Variants in MICAL3 observed in about 807,000 individuals in gnomAD.
The protein encoded by MICAL3 is [F-actin]-monooxygenase MICAL3.
Under a neutral mutation model 207.4 loss-of-function variants are expected in MICAL3, and 62 were observed. The ratio of observed to expected loss-of-function variants is 0.30; its 90% confidence interval spans 0.24 to 0.37. MICAL3 has a LOEUF of 0.37. MICAL3 is among the 10% of genes least tolerant of loss of function. The pLI is 1.00. For synonymous variants in MICAL3, 1,077 were observed against 1,069.3 expected (o/e 1.01, Z -0.14); for missense variants, 2,368 against 2,635.6 (o/e 0.90, Z 2.22).
At chr22:17,899,254 G>A (rs942408260) in intron 7 of MICAL3, 194 bp downstream of exon 7, 20 of 664,914 alleles carry the variant, frequency 3.0e-5, no homozygotes, top group African/African-American at 5.3e-5. Context: ...TTCTCCCCCC[G>A]TTTTTATTTA....
chr22:17,857,689 A>G (rs1002717097), intron 19 of MICAL3, among the ~76,000 whole-genome samples: 2 of 152,270 alleles, frequency 1.3e-5, no homozygotes, highest in African/African-American at 4.8e-5. Flanking sequence ...TTTTTCTAGT[A>G]GCTGTCCCAG....
Position 17,818,081 on chromosome 22 carries a change from TCCA to T in MICAL3, c.4577_4579del (p.Val1526del). ...CTCAGTCTTGTCGTCATAGGTGTCCTCCACATCATCAGCAAAGGGAATCTCCTC... is the reference window on the plus strand; with the variant it reads ...CTCAGTCTTGTCGTCATAGGTGTCCTCATCATCAGCAAAGGGAATCTCCTC... On this transcript the variant is annotated inframe_deletion, in exon 26 of 32. Transcript: ENST00000441493. 1 of 1,613,072 alleles carries T rather than the reference TCCA, an allele frequency of 6.2e-7. No homozygotes were observed. The highest frequency in any genetic ancestry group is 8.5e-7 in the Non-Finnish European group (1 of 1,179,734).
intron 1 of MICAL3, among the ~76,000 whole-genome samples, chr22:17,957,090 G>T (rs1384395153): frequency 6.6e-6 from 1 of 152,152 alleles, no homozygotes; most frequent in Admixed American, 6.5e-5. Flanking sequence ...AGAAAGAAAA[G>T]AAAGATGGCT....
At chr22:17,830,903 G>C (rs1304254803) in intron 21 of MICAL3, among the ~76,000 whole-genome samples, 1 of 152,236 alleles carries the variant, frequency 6.6e-6, no homozygotes, top group African/African-American at 2.4e-5. Context: ...CAGGGGACTG[G>C]ATCAGGAACA....
intron 1 of MICAL3, among the ~76,000 whole-genome samples, chr22:17,909,942 T>C (rs889110585): frequency 3.7e-4 from 57 of 152,336 alleles, no homozygotes; most frequent in African/African-American, 1.4e-3. Context: ...GCACACAGCA[T>C]GGCACAATCC....
At chr22:17,929,256 G>A (rs1225112616) in intron 1 of MICAL3, among the ~76,000 whole-genome samples, 1 of 136,714 alleles carries the variant, frequency 7.3e-6, no homozygotes, top group Non-Finnish European at 1.5e-5. Context: ...GCACCACCAC[G>A]CCTGGCTAAT....
intron 1 of MICAL3, among the ~76,000 whole-genome samples, chr22:18,008,939 T>C (rs1010182481): frequency 6.6e-6 from 1 of 151,818 alleles, no homozygotes. Flanking sequence ...AAAAGGGAAA[T>C]TAAAACGCAA....
intron 1 of MICAL3, among the ~76,000 whole-genome samples, chr22:17,958,997 C>T (rs1158487865): frequency 2.1e-5 from 3 of 143,746 alleles, no homozygotes; most frequent in Non-Finnish European, 3.0e-5. Flanking sequence ...TAAGCCACTG[C>T]GCCGGGCCTG....
At chr22:17,979,620 C>T (rs1935814779) in intron 1 of MICAL3, among the ~76,000 whole-genome samples, 1 of 151,992 alleles carries the variant, frequency 6.6e-6, no homozygotes, top group African/African-American at 2.4e-5. Flanking sequence ...TAGAGGAATT[C>T]CCCACGGCAT....
intron 1 of MICAL3, among the ~76,000 whole-genome samples, chr22:17,994,267 G>A (rs926493368): frequency 1.2e-4 from 18 of 152,182 alleles, no homozygotes; most frequent in African/African-American, 4.3e-4. Flanking sequence ...GTGGGCTGGG[G>A]ACAGTCCACG....
At chr22:17,843,195 A>G (rs2146078590) in intron 19 of MICAL3, among the ~76,000 whole-genome samples, 1 of 150,178 alleles carries the variant, frequency 6.7e-6, no homozygotes, top group Admixed American at 6.7e-5. Context: ...CACTTTTCCC[A>G]TTTTTAACTT....
chr22:17,864,971 G>A lies in MICAL3; in HGVS notation c.2533C>T (p.Leu845=), dbSNP rs748449708. The A allele has an allele frequency of 1.9e-6, 3 of 1,606,670 alleles. No homozygotes were observed. Among genetic ancestry groups the A allele is most frequent in the Admixed American group, 3.3e-5 (2 of 59,850 alleles). Residue 845 remains leucine, a synonymous_variant, in exon 19 of 32, where the codon CTG becomes TTG. Coordinates refer to ENST00000441493, the MANE Select transcript of MICAL3 (RefSeq NM_015241.3). The part of the protein sequence containing the change: ...PLSGKEAKGP[L]QDGATTDANG... Reference sequence around the variant, plus strand: ...GCATCTGTGGTGGCGCCATCCTGCAGGGGTCCTTTGGCCTCCTAGGAAAGT... The same window carrying A: ...GCATCTGTGGTGGCGCCATCCTGCAAGGGTCCTTTGGCCTCCTAGGAAAGT...
At chr22:17,804,139 C>T (rs149099083) in intron 29 of MICAL3, among the ~76,000 whole-genome samples, 221 of 152,240 alleles carry the variant, frequency 1.5e-3, no homozygotes, top group African/African-American at 4.6e-3. Context: ...CAACATGATC[C>T]CACGTACACC....
chr22:17,838,081 G>A (rs532463660), intron 20 of MICAL3, among the ~76,000 whole-genome samples: 2 of 152,166 alleles, frequency 1.3e-5, no homozygotes, highest in African/African-American at 2.4e-5. Context: ...CTGGGATTAC[G>A]GGTGTGAGCC....
At chr22:17,826,499 T>C in intron 22 of MICAL3, 4 of 985,912 alleles carry the variant, frequency 4.1e-6, no homozygotes, top group Non-Finnish European at 2.4e-6. Context: ...GCGTGGCGTA[T>C]GGAGGGAAGG....
In MICAL3 at chr22:17,943,464, C is replaced by T. The variant is rs116961076; in HGVS notation, c.-74-36578G>A. On this transcript the variant is annotated intron_variant, in intron 1 of 31. Coordinates refer to ENST00000441493, the MANE Select transcript of MICAL3 (RefSeq NM_015241.3). ...CAGGCATGAGCCACCGCACCCTGAG[C>T]TGCATCTATCCTTCTCTTAACAGAG... 4.5e-3 allele frequency among the ~76,000 whole-genome samples: 690 copies of T among 152,334 alleles called. 4 individuals are homozygous for T. The highest frequency in any genetic ancestry group is 7.2e-3 in the Non-Finnish European group (491 of 68,026).
intron 1 of MICAL3, among the ~76,000 whole-genome samples, chr22:17,928,486 C>T (rs182833773): frequency 6.6e-6 from 1 of 151,724 alleles, no homozygotes; most frequent in Non-Finnish European, 1.5e-5. Context: ...TGTCTGCATG[C>T]GTCTTCATGT....
chr22:17,929,154 A>G (rs1933093199), intron 1 of MICAL3, among the ~76,000 whole-genome samples: 1 of 146,014 alleles, frequency 6.8e-6, no homozygotes, highest in African/African-American at 2.6e-5. Flanking sequence ...GCTGGAGTGT[A>G]GTGATGCCAT....
At chr22:17,889,425 C>A (rs1930212644) in intron 12 of MICAL3, among the ~76,000 whole-genome samples, 195 bp from the exon 13 acceptor site, 1 of 152,008 alleles carries the variant, frequency 6.6e-6, no homozygotes, top group Non-Finnish European at 1.5e-5. Context: ...AGCAAAGCAA[C>A]CTCAGGAAGT....
Sources: gnomAD v4.1 joint callset for allele counts (sites outside exome capture counted in the v4.1 genomes callset) on GRCh38, gnomAD v4.1.1 for gene constraint, MANE v1.5 for transcripts, NCBI Gene and HGNC (gene_info 2026-07-23, HGNC 2026-07-21) for gene names.